The following KIDINS220 variants were observed in gnomAD, a reference collection of about 807,000 sequenced individuals.
KIDINS220 encodes kinase D interacting substrate 220.
KIDINS220 carries 63 observed loss-of-function variants against 157.6 expected under a neutral mutation model. That is an observed-to-expected ratio of 0.40 (90% confidence interval 0.33 to 0.49). The LOEUF (loss-of-function observed/expected upper bound fraction) is 0.49, where lower values mean the gene tolerates loss of function less well. Ranked by LOEUF, KIDINS220 falls within the 20% of genes least tolerant of loss-of-function variation. The pLI, the probability that KIDINS220 is intolerant of heterozygous loss-of-function variation, is 0.66. For synonymous variants in KIDINS220, 732 were observed against 783.6 expected (o/e 0.93, Z 1.10); for missense variants, 1,772 against 2,171.2 (o/e 0.82, Z 3.65).
intron 1 of KIDINS220, among the ~76,000 whole-genome samples, chr2:8,836,607 G>A (rs1680440067): frequency 6.6e-6 from 1 of 152,226 alleles, no homozygotes; most frequent in African/African-American, 2.4e-5. Context: ...AGCTAGAAGA[G>A]AACAAAGAAC....
At chr2:8,772,455 G>A (rs1283604913) in intron 21 of KIDINS220, among the ~76,000 whole-genome samples, 2 of 151,218 alleles carry the variant, frequency 1.3e-5, no homozygotes, top group African/African-American at 4.9e-5. Context: ...CAGCCTGGAG[G>A]ACAGAGCGAG....
Position 8,776,745 on chromosome 2 carries a change from C to T in KIDINS220, c.2848+3G>A. 2 of 1,611,838 alleles carry T rather than the reference C, an allele frequency of 1.2e-6. No homozygotes were observed. The highest frequency in any genetic ancestry group is 1.7e-6 in the Non-Finnish European group (2 of 1,179,180). On this transcript the variant is annotated splice_donor_region_variant and intron_variant, in intron 21 of 29. Coordinates refer to ENST00000256707, the MANE Select transcript of KIDINS220 (RefSeq NM_020738.4). The stretch of plus-strand genomic sequence containing the variant: ...ATCATAGACAATAAGAGACAAAAGT[C>T]ACCTGTCACAGAAACAATATTAAGT...
intron 10 of KIDINS220, among the ~76,000 whole-genome samples, chr2:8,797,202 CGACCAACCCACAGCCCAGCCT>C (rs897730422): frequency 2.0e-5 from 3 of 152,174 alleles, no homozygotes; most frequent in African/African-American, 7.2e-5. Flanking sequence ...TTCTCCCCAC[CGACCAACCCACAGCCCAGCCT>C]GTCAACGTCC....
At chr2:8,732,014 T>G in intron 29 of KIDINS220, 32 bp from the exon 30 acceptor site, 1 of 1,515,504 alleles carries the variant, frequency 6.6e-7, no homozygotes, top group Non-Finnish European at 8.8e-7. Flanking sequence ...AATTTAAAAA[T>G]TCAAATAAGA....
rs1572452468 is a variant in KIDINS220 at position 8,742,689 on chromosome 2, T to G, written c.3585+4456A>C. On this transcript the variant is annotated intron_variant, in intron 26 of 29. Coordinates refer to ENST00000256707, the MANE Select transcript of KIDINS220 (RefSeq NM_020738.4). ...CTGAGGAGGTCAAGAAAGAATGACTTCATAAAACCGATAATTCCCTCGGTG... is the reference window on the plus strand; with the variant it reads ...CTGAGGAGGTCAAGAAAGAATGACTGCATAAAACCGATAATTCCCTCGGTG... Among the ~76,000 whole-genome samples the G allele has an allele frequency of 4.6e-5, 7 of 152,308 alleles. No homozygotes were observed. In the South Asian group the frequency reaches 1.4e-3, roughly 32 times the overall value.
intron 6 of KIDINS220, among the ~76,000 whole-genome samples, chr2:8,809,330 T>C (rs371238357): frequency 1.3e-5 from 2 of 152,044 alleles, no homozygotes; most frequent in Admixed American, 6.6e-5. Context: ...CACCTATGTA[T>C]CTTTTACTAA....
intron 15 of KIDINS220, among the ~76,000 whole-genome samples, chr2:8,786,917 G>A (rs1672478305): frequency 6.6e-6 from 1 of 151,994 alleles, no homozygotes; most frequent in Admixed American, 6.5e-5. Flanking sequence ...CTTCACAATT[G>A]ATCTTCAAAA....
rs1317822734 is a variant in KIDINS220 at position 8,731,228 on chromosome 2, A to G, written c.4808T>C (p.Val1603Ala). The change falls in exon 30 of 30, where the codon GTG becomes GCG. Residue 1603 changes from valine to alanine, a missense_variant. Val to Ala is a moderately conservative substitution (Grantham distance 64). This residue lies in a region of KIDINS220 where 793 missense variants were observed against 885.5 expected (regional missense o/e 0.90). Transcript: ENST00000256707. The surrounding 1 kb of genome is among the most constrained non-coding windows in gnomAD (Gnocchi z 5.2). ...CTTTTCAAGCTGGGAGTCATCCGCC[A>G]CTTCATTGTGCAGAGAGTGATTGGG... ...SSPNHSLHNE[V>A]ADDSQLEKAN... The G allele has an allele frequency of 6.2e-7, 1 of 1,614,146 alleles. No individual in the cohort carries two copies. The highest frequency in any genetic ancestry group is 2.2e-5 in the East Asian group (1 of 44,878).
chr2:8,812,658 GT>G (rs1052783916), intron 5 of KIDINS220, among the ~76,000 whole-genome samples, 165 bp from the exon 6 acceptor site: 5 of 151,900 alleles, frequency 3.3e-5, no homozygotes, highest in African/African-American at 9.7e-5. Context: ...ACAAAGTAAT[GT>G]TTTTTTTAAA....
At chr2:8,771,380 G>C (rs537338761) in intron 21 of KIDINS220, among the ~76,000 whole-genome samples, 15 of 152,116 alleles carry the variant, frequency 9.9e-5, no homozygotes, top group Non-Finnish European at 2.2e-4. Context: ...TATTATTTAC[G>C]TATTTTAAAA....
At chr2:8,801,930 T>C (rs970861756) in intron 8 of KIDINS220, among the ~76,000 whole-genome samples, 1 of 152,120 alleles carries the variant, frequency 6.6e-6, no homozygotes, top group Non-Finnish European at 1.5e-5. Context: ...ACGTAACTAC[T>C]TCGGATTAAG....
At chr2:8,733,262 T>C (rs1446092705) in intron 29 of KIDINS220, among the ~76,000 whole-genome samples, 182 bp downstream of exon 29, 1 of 152,222 alleles carries the variant, frequency 6.6e-6, no homozygotes, top group African/African-American at 2.4e-5. Flanking sequence ...TTTGTTTCAC[T>C]GACTGCCCCT....
At chr2:8,736,825 C>T (rs1466603228) in intron 27 of KIDINS220, 43 bp downstream of exon 27, 1 of 1,608,832 alleles carries the variant, frequency 6.2e-7, no homozygotes, top group East Asian at 2.2e-5. Flanking sequence ...CTGTCTTCCG[C>T]CCCCAGCGCT....
chr2:8,782,397 T>C (rs1464381963), intron 17 of KIDINS220, among the ~76,000 whole-genome samples: 2 of 152,078 alleles, frequency 1.3e-5, no homozygotes, highest in African/African-American at 4.8e-5. Context: ...AAAAATAGGA[T>C]AATAAAGGGA....
At chr2:8,734,538 A>G (rs1664602725) in intron 28 of KIDINS220, 117 bp downstream of exon 28, 1 of 650,016 alleles carries the variant, frequency 1.5e-6, no homozygotes, top group African/African-American at 1.9e-5. Flanking sequence ...AAAAATATGA[A>G]AAAAATACCA....
intron 4 of KIDINS220, among the ~76,000 whole-genome samples, chr2:8,815,544 C>T (rs1339409236): frequency 6.6e-6 from 1 of 152,148 alleles, no homozygotes; most frequent in Non-Finnish European, 1.5e-5. Context: ...TGGCATGCAC[C>T]TGTAATCCCA....
At chr2:8,828,103 C>T (rs1679083156) in intron 1 of KIDINS220, among the ~76,000 whole-genome samples, 1 of 152,188 alleles carries the variant, frequency 6.6e-6, no homozygotes, top group Non-Finnish European at 1.5e-5. Flanking sequence ...GCCAAGATAA[C>T]TCTTCAGTGG....
At chr2:8,736,271 C>T (rs1031905107) in intron 27 of KIDINS220, among the ~76,000 whole-genome samples, 17 of 152,146 alleles carry the variant, frequency 1.1e-4, no homozygotes, top group Non-Finnish European at 1.9e-4. Context: ...AAAACCTTCC[C>T]CCAAATCTCA....
At position 8,731,959 on chromosome 2, in the gene KIDINS220, A is replaced by G; in HGVS notation, c.4077T>C (p.Ser1359=). 1.3e-6 allele frequency: 2 copies of G among 1,588,062 alleles called. No individual in the cohort carries two copies. Among genetic ancestry groups the G allele is most frequent in the Non-Finnish European group, 1.7e-6 (2 of 1,168,130 alleles). Residue 1359 remains serine, a synonymous_variant, in exon 30 of 30, where the codon AGT becomes AGC. Transcript: ENST00000256707. The surrounding 1 kb of genome is among the most constrained non-coding windows in gnomAD (Gnocchi z 5.2). ...SWQSQTRRTP[S]LSSLNSQDSS... is the part of the protein sequence containing the mutation. ...AATCCTGGGAATTGAGACTCGAAAGACTTGGGGTTCTGCGAGTTTGTGACT... is the reference window on the plus strand; with the variant it reads ...AATCCTGGGAATTGAGACTCGAAAGGCTTGGGGTTCTGCGAGTTTGTGACT...
Sources: allele counts gnomAD v4.1 joint callset (sites outside exome capture counted in the v4.1 genomes callset), GRCh38; gene constraint gnomAD v4.1.1; regional missense constraint gnomAD v4.1.1; non-coding constraint Gnocchi (gnomAD v3.1); transcripts MANE v1.5; gene names NCBI Gene and HGNC (gene_info 2026-07-23, HGNC 2026-07-21).